The following RIMBP2 variants were observed in gnomAD, a reference collection of about 807,000 sequenced individuals.
RIMBP2 encodes RIMS binding protein 2, also known as RIMS-binding protein 2.
In RIMBP2, 48 loss-of-function variants were observed where a neutral mutation model predicts 118.6. That is an observed-to-expected ratio of 0.40 (90% CI 0.32 to 0.51). The LOEUF (loss-of-function observed/expected upper bound fraction) is 0.51. RIMBP2 is among the 20% of genes least tolerant of loss of function. The pLI is 0.41. For synonymous variants in RIMBP2, 762 were observed against 742.9 expected (o/e 1.03, Z -0.42); for missense variants, 1,551 against 1,768.3 (o/e 0.88, Z 2.20).
At chr12:130,467,708 C>A (rs2080615681) in intron 6 of RIMBP2, among the ~76,000 whole-genome samples, 1 of 152,174 alleles carries the variant, frequency 6.6e-6, no homozygotes, top group South Asian at 2.1e-4. Context: ...GACCCAGAAG[C>A]CCCCGCTTCA....
At chr12:130,519,387 C>T (rs1422107838) in intron 2 of RIMBP2, among the ~76,000 whole-genome samples, 1 of 152,216 alleles carries the variant, frequency 6.6e-6, no homozygotes, top group Non-Finnish European at 1.5e-5. Context: ...AGCGAAGGAA[C>T]CCAAACATAA....
At chr12:130,545,040 A>G (rs2054981977) in intron 2 of RIMBP2, among the ~76,000 whole-genome samples, 1 of 152,356 alleles carries the variant, frequency 6.6e-6, no homozygotes, top group South Asian at 2.1e-4. Flanking sequence ...TTAGGCATCC[A>G]TTGAACAAAA....
intron 1 of RIMBP2, among the ~76,000 whole-genome samples, chr12:130,639,327 T>C (rs969238034): frequency 2.4e-4 from 35 of 148,396 alleles, no homozygotes; most frequent in Admixed American, 6.2e-4. Flanking sequence ...AGGTAGAAGT[T>C]GCATTGAGCC....
chr12:130,535,730 TATATATAC>T (rs1441742134), intron 2 of RIMBP2, among the ~76,000 whole-genome samples: 564 of 19,000 alleles, frequency 0.03, 7 homozygotes, highest in East Asian at 0.3. Flanking sequence ...TATATATACA[TATATATAC>T]ATATATATAT....
chr12:130,608,193 T>C (rs1404913927), intron 2 of RIMBP2, among the ~76,000 whole-genome samples: 1 of 152,156 alleles, frequency 6.6e-6, no homozygotes, highest in Non-Finnish European at 1.5e-5. Flanking sequence ...CGCTTTGGTT[T>C]CTGTTGTGAA....
intron 4 of RIMBP2, among the ~76,000 whole-genome samples, chr12:130,499,371 C>G (rs2138640948): frequency 6.6e-6 from 1 of 152,330 alleles, no homozygotes; most frequent in Admixed American, 6.5e-5. Context: ...CTCTTGCGTA[C>G]TACGTCTCTA....
At chr12:130,657,716 CGG>C (rs2063488747) in intron 1 of RIMBP2, 2 of 118,150 alleles carry the variant, frequency 1.7e-5, no homozygotes, top group African/African-American at 3.3e-5. Flanking sequence ...GCAGTGAGGG[CGG>C]AGGATGGAGC....
chr12:130,463,579 G>A (rs901488198), intron 6 of RIMBP2, among the ~76,000 whole-genome samples: 2 of 152,078 alleles, frequency 1.3e-5, no homozygotes, highest in Non-Finnish European at 2.9e-5. Flanking sequence ...CTGTGCTGGC[G>A]GCTGGCATCC....
chr12:130,474,995 C>T (rs1382923292), intron 5 of RIMBP2, among the ~76,000 whole-genome samples: 2 of 152,172 alleles, frequency 1.3e-5, no homozygotes, highest in Non-Finnish European at 2.9e-5. Flanking sequence ...TCCCGGTCTC[C>T]AGGAAGCACG....
At position 130,450,330 on chromosome 12, in the gene RIMBP2, C is replaced by T. The variant is rs576436496; in HGVS notation, c.505-54G>A. 17 of 1,364,118 alleles carry T rather than the reference C, an allele frequency of 1.2e-5. No individual in the cohort carries two copies. In the South Asian group the frequency reaches 2.1e-4, roughly 17 times the overall value. The allele number at this position is 1,364,118 out of a possible 1,614,324, so 84.5% of individuals were successfully genotyped here. ...TATTGAAGCTGGAGGTGTCCCACCCCATTCCCGCGGCACACGGGAAAGCCC... is the reference window on the plus strand; with the variant it reads ...TATTGAAGCTGGAGGTGTCCCACCCTATTCCCGCGGCACACGGGAAAGCCC... On this transcript the variant is annotated intron_variant, in intron 8 of 22. Coordinates refer to ENST00000690449, the MANE Select transcript of RIMBP2 (RefSeq NM_001393629.1). This position sits in a 1 kb window ranked among gnomAD's most constrained non-coding sequence, Gnocchi z 4.8.
chr12:130,453,631 C>G (rs185978785), intron 7 of RIMBP2, among the ~76,000 whole-genome samples: 271 of 152,346 alleles, frequency 1.8e-3, no homozygotes, highest in African/African-American at 6.1e-3. Context: ...GAAACCTCAA[C>G]AAGGCCAACT....
intron 1 of RIMBP2, among the ~76,000 whole-genome samples, chr12:130,699,212 T>G (rs972377599): frequency 5.9e-5 from 9 of 152,158 alleles, no homozygotes; most frequent in African/African-American, 1.4e-4. Context: ...ATTTGACCCA[T>G]CCATCCCATT....
intron 11 of RIMBP2, 31 bp downstream of exon 11, chr12:130,441,815 CCT>C: frequency 6.3e-7 from 1 of 1,593,184 alleles, no homozygotes; most frequent in South Asian, 1.1e-5. Flanking sequence ...GCGTTCTCTC[CCT>C]GGGGGACCCA....
rs959306045 is a variant in RIMBP2, at chr12:130,578,239, C to T, written c.-217+50083G>A. On this transcript the variant is annotated intron_variant, in intron 2 of 22. Transcript: ENST00000690449. The surrounding 1 kb of genome is among the most constrained non-coding windows in gnomAD (Gnocchi z 4.1). ...CAGAAGCTCAGAGGATTCCATCCAT[C>T]CACTTCTGAACCTTCCTGTTCTCTG... is the stretch of plus-strand genomic sequence containing the variant. Among the ~76,000 whole-genome samples the T allele has an allele frequency of 1.3e-5, 2 of 152,214 alleles. No individual in the cohort carries two copies. The highest frequency in any genetic ancestry group is 1.3e-4 in the Admixed American group (2 of 15,284).
intron 4 of RIMBP2, among the ~76,000 whole-genome samples, chr12:130,490,263 A>C (rs57471448): frequency 6.6e-6 from 1 of 151,578 alleles, no homozygotes; most frequent in South Asian, 2.1e-4. Context: ...TAAGTTAAAA[A>C]AAAAACTCAC....
chr12:130,529,592 A>G (rs2053165108), intron 2 of RIMBP2, among the ~76,000 whole-genome samples: 1 of 152,218 alleles, frequency 6.6e-6, no homozygotes, highest in Non-Finnish European at 1.5e-5. Flanking sequence ...TGAATTGTTC[A>G]CTATAAATGG....
intron 3 of RIMBP2, among the ~76,000 whole-genome samples, chr12:130,516,020 G>C (rs1378566252): frequency 2.6e-5 from 4 of 152,128 alleles, no homozygotes; most frequent in Admixed American, 2.6e-4. Context: ...CTTATACCAG[G>C]ATTGGGATTG....
chr12:130,450,191 C>A lies in RIMBP2; in HGVS notation c.581+9G>T. The A allele has an allele frequency of 6.3e-7, 1 of 1,595,746 alleles. No individual in the cohort carries two copies. Among genetic ancestry groups the A allele is most frequent in the East Asian group, 2.3e-5 (1 of 44,172 alleles). On this transcript the variant is annotated intron_variant, in intron 9 of 22. Transcript: ENST00000690449. The surrounding 1 kb of genome is among the most constrained non-coding windows in gnomAD (Gnocchi z 4.8). ...AGGGGCTCGGTGGACGCCGAGGGGCCGCACTTACCTATAGCGGGCAACACA... is the reference window on the plus strand; with the variant it reads ...AGGGGCTCGGTGGACGCCGAGGGGCAGCACTTACCTATAGCGGGCAACACA...
chr12:130,580,196 T>TAA (rs67458568), intron 2 of RIMBP2, among the ~76,000 whole-genome samples: 34 of 143,294 alleles, frequency 2.4e-4, no homozygotes, highest in African/African-American at 8.0e-4. Context: ...AGACTCCATT[T>TAA]AAAAAAAAAA....
Sources: allele counts gnomAD v4.1 joint callset (sites outside exome capture counted in the v4.1 genomes callset), GRCh38; gene constraint gnomAD v4.1.1; non-coding constraint Gnocchi (gnomAD v3.1); transcripts MANE v1.5; gene names NCBI Gene and HGNC (gene_info 2026-07-23, HGNC 2026-07-21).